MLLT10: variants seen among roughly 807,000 people sequenced by gnomAD.
The protein encoded by MLLT10 is protein AF-10.
Under a neutral mutation model 129.1 loss-of-function variants are expected in MLLT10, and 30 were observed. The ratio of observed to expected loss-of-function variants is 0.23; its 90% CI spans 0.17 to 0.32. The LOEUF is 0.32. MLLT10 is among the 10% of genes least tolerant of loss of function. MLLT10 has a pLI of 1.00. For synonymous variants in MLLT10, 490 were observed against 446.4 expected (o/e 1.10, Z -1.23); for missense variants, 1,119 against 1,268.3 (o/e 0.88, Z 1.79).
At chr10:21,723,725 C>T (rs565148775) in intron 14 of MLLT10, among the ~76,000 whole-genome samples, 7 of 152,126 alleles carry the variant, frequency 4.6e-5, no homozygotes, top group African/African-American at 1.7e-4. Flanking sequence ...CAGACTGTCT[C>T]GAGATAAGAC....
chr10:21,691,798 AAAG>A (rs1243242293), intron 13 of MLLT10, among the ~76,000 whole-genome samples: 1 of 152,098 alleles, frequency 6.6e-6, no homozygotes, highest in African/African-American at 2.4e-5. Flanking sequence ...CAGCCAAGGA[AAAG>A]AATAATAAAT....
At chr10:21,610,167 A>G (rs113579050) in intron 5 of MLLT10, among the ~76,000 whole-genome samples, 4,292 of 152,266 alleles carry the variant, frequency 0.028, 203 homozygotes, top group African/African-American at 0.097. Flanking sequence ...TTTGTTTCTC[A>G]TAATTAATAT....
At chr10:21,659,533 C>T (rs2049958187) in intron 9 of MLLT10, among the ~76,000 whole-genome samples, 1 of 146,084 alleles carries the variant, frequency 6.8e-6, no homozygotes, top group Non-Finnish European at 1.5e-5. Flanking sequence ...TTTTTTGAGA[C>T]GGATTCTCGC....
intron 13 of MLLT10, chr10:21,708,516 A>T: frequency 1.1e-6 from 1 of 936,088 alleles, no homozygotes. Flanking sequence ...TTAGAATTTT[A>T]AGCTTTCCTG....
chr10:21,587,683 A>G (rs1448260118), intron 4 of MLLT10, among the ~76,000 whole-genome samples: 1 of 152,162 alleles, frequency 6.6e-6, no homozygotes, highest in East Asian at 1.9e-4. Context: ...AGCCACTTCT[A>G]AAGTAGTTTT....
In MLLT10 at chr10:21,595,313, T is replaced by A; in HGVS notation, c.296-18T>A. On this transcript the variant is annotated intron_variant, in intron 4 of 22. Coordinates refer to ENST00000307729, the MANE Select transcript of MLLT10 (RefSeq NM_001195626.3). ...TTCGATAAAACTGAAAAGATGACATTTATTTATTTATTTTTAGGTTGGGCC... is the reference window on the plus strand; with the variant it reads ...TTCGATAAAACTGAAAAGATGACATATATTTATTTATTTTTAGGTTGGGCC... 4.4e-6 allele frequency: 7 copies of A among 1,578,624 alleles called. No homozygotes were observed. Among genetic ancestry groups the A allele is most frequent in the Non-Finnish European group, 6.1e-6 (7 of 1,151,368 alleles).
chr10:21,681,642 T>C (rs1344887258), intron 12 of MLLT10, among the ~76,000 whole-genome samples: 1 of 152,172 alleles, frequency 6.6e-6, no homozygotes, highest in Non-Finnish European at 1.5e-5. Context: ...TTCACCTCCT[T>C]CTTGAAATAA....
chr10:21,682,532 T>C (rs2052847463), intron 13 of MLLT10, among the ~76,000 whole-genome samples: 1 of 152,214 alleles, frequency 6.6e-6, no homozygotes. Flanking sequence ...TTTTTACAAA[T>C]GGTTTTTCTA....
rs190852015 is a variant in MLLT10, at chr10:21,619,499, C to T, written c.699+2292C>T. On this transcript the variant is annotated intron_variant, in intron 8 of 22. Coordinates refer to ENST00000307729, the MANE Select transcript of MLLT10 (RefSeq NM_001195626.3). ...GACTACACGTATAGATCTTTTATTGCTCTGGGAATGAATGAAATTTTGTAT... is the reference window on the plus strand; with the variant it reads ...GACTACACGTATAGATCTTTTATTGTTCTGGGAATGAATGAAATTTTGTAT... 2.1e-3 allele frequency among the ~76,000 whole-genome samples: 327 copies of T among 152,162 alleles called. 3 individuals are homozygous for T. Among genetic ancestry groups the T allele is most frequent in the African/African-American group, 7.5e-3 (312 of 41,506 alleles).
chr10:21,664,939 CTTTTCTTTTTTTTTTT>C (rs1329392681), intron 9 of MLLT10, among the ~76,000 whole-genome samples: 1 of 133,386 alleles, frequency 7.5e-6, no homozygotes, highest in Non-Finnish European at 1.6e-5. Context: ...CTTCTTTTTT[CTTTTCTTTTTTTTTTT>C]TTTTTTTTGA....
At chr10:21,623,672 A>G (rs2131239834) in intron 8 of MLLT10, among the ~76,000 whole-genome samples, 1 of 152,368 alleles carries the variant, frequency 6.6e-6, no homozygotes, top group East Asian at 1.9e-4. Context: ...ATAATCTTTA[A>G]TAAGGAAGTC....
chr10:21,727,124 C>T (rs1041784782), intron 15 of MLLT10, among the ~76,000 whole-genome samples: 3 of 151,974 alleles, frequency 2.0e-5, no homozygotes, highest in East Asian at 1.9e-4. Context: ...CTGTCTTTAC[C>T]GTTTAAGGGT....
At chr10:21,699,257 T>C (rs2054670127) in intron 13 of MLLT10, among the ~76,000 whole-genome samples, 1 of 151,844 alleles carries the variant, frequency 6.6e-6, no homozygotes, top group Non-Finnish European at 1.5e-5. Context: ...TTTTTAATTG[T>C]TGTTTGAGTT....
chr10:21,610,587 G>T (rs1477091383), intron 5 of MLLT10, among the ~76,000 whole-genome samples: 2 of 151,028 alleles, frequency 1.3e-5, no homozygotes, highest in African/African-American at 4.9e-5. Flanking sequence ...CTGGGGAGGA[G>T]ATCTCCCATT....
intron 3 of MLLT10, among the ~76,000 whole-genome samples, chr10:21,561,214 A>G (rs2038757284): frequency 6.6e-6 from 1 of 152,056 alleles, no homozygotes; most frequent in African/African-American, 2.4e-5. Flanking sequence ...GTTTTCTTCT[A>G]AATGTTTCTA....
chr10:21,694,560 C>A (rs2054177147), intron 13 of MLLT10, among the ~76,000 whole-genome samples: 1 of 152,126 alleles, frequency 6.6e-6, no homozygotes, highest in Non-Finnish European at 1.5e-5. Context: ...TTCCTGTGGG[C>A]TATAATTTAT....
intron 8 of MLLT10, among the ~76,000 whole-genome samples, chr10:21,649,495 G>A (rs1222430865): frequency 3.3e-5 from 5 of 152,330 alleles, no homozygotes; most frequent in East Asian, 3.9e-4. Flanking sequence ...CTTATTAAGC[G>A]GTGGGCTCAG....
chr10:21,688,901 T>G (rs1379831137), intron 13 of MLLT10, among the ~76,000 whole-genome samples: 1 of 152,172 alleles, frequency 6.6e-6, no homozygotes, highest in Non-Finnish European at 1.5e-5. Context: ...TCATGTTTTA[T>G]AATCATGATA....
intron 8 of MLLT10, among the ~76,000 whole-genome samples, chr10:21,651,085 T>C: frequency 7.8e-6 from 1 of 127,422 alleles, no homozygotes; most frequent in African/African-American, 2.8e-5. Context: ...TTGTTTTGTT[T>C]TGTTGAGACG....
Sources: allele counts gnomAD v4.1 joint callset (sites outside exome capture counted in the v4.1 genomes callset), GRCh38; gene constraint gnomAD v4.1.1; transcripts MANE v1.5; gene names NCBI Gene and HGNC (gene_info 2026-07-23, HGNC 2026-07-21).